Variants in PDE6B observed in about 807,000 individuals in gnomAD.
PDE6B encodes the protein phosphodiesterase 6B.
In PDE6B, 106 loss-of-function variants were observed where a neutral mutation model predicts 109.0. That is an observed-to-expected ratio of 0.97 (90% CI 0.83 to 1.14). The LOEUF (loss-of-function observed/expected upper bound fraction) is 1.14. Ranked by LOEUF, PDE6B falls within the 50% of genes most tolerant of loss-of-function variation. The pLI is 0.00. For synonymous variants in PDE6B, 490 were observed against 471.3 expected, an observed-to-expected ratio of 1.04 and a Z score of -0.51; for missense variants, 1,193 against 1,155.6, an observed-to-expected ratio of 1.03 and a Z score of -0.47.
chr4:640,600 C>A (rs1164572401), intron 3 of PDE6B, among the ~76,000 whole-genome samples: 1 of 151,934 alleles, frequency 6.6e-6, no homozygotes, highest in East Asian at 1.9e-4. Flanking sequence ...TGTGTTGTAT[C>A]TAAAAACTCA....
In PDE6B at chr4:663,314, G is replaced by A. The variant is rs867345385; in HGVS notation, c.1920+127G>A. ...TGAGCACTGGGTGTGTGAGCACTGG[G>A]GGAGGGCGGCAGAGAAGGCGGAGGG... On this transcript the variant is annotated intron_variant, in intron 15 of 21. Transcript: ENST00000496514. The surrounding 1 kb of genome is among the most constrained non-coding windows in gnomAD (Gnocchi z 4.0). 7.1e-6 allele frequency: 5 copies of A among 707,360 alleles called. No homozygotes were observed. The highest frequency in any genetic ancestry group is 2.8e-4 in the Middle Eastern group (1 of 3,596). The allele number at this position is 707,360 out of a possible 1,614,324, so 43.8% of individuals were successfully genotyped here.
At position 626,094 on chromosome 4, in the gene PDE6B, G is replaced by A. The variant is rs1245162728; in HGVS notation, c.468G>A (p.Glu156=). 1.3e-6 allele frequency: 2 copies of A among 1,562,538 alleles called. No homozygotes were observed. Among genetic ancestry groups the A allele is most frequent in the Non-Finnish European group, 1.7e-6 (2 of 1,149,142 alleles). Residue 156 remains glutamate (E), a splice_region_variant and synonymous_variant, in exon 1 of 22, where the codon GAG becomes GAA. Coordinates refer to ENST00000496514, the MANE Select transcript of PDE6B (RefSeq NM_000283.4). The surrounding 1 kb of genome is among the most constrained non-coding windows in gnomAD (Gnocchi z 4.6). ...TGGTGAACGTCGAGGACGTGGCCGA[G>A]GTGGGTCTGTGCGGAGCCTCAGGGA... ...KKMVNVEDVA[E]CPHFSSFADE...
intron 2 of PDE6B, among the ~76,000 whole-genome samples, chr4:635,199 G>A (rs184851731): frequency 0.029 from 3,959 of 136,808 alleles, 28 homozygotes; most frequent in Non-Finnish European, 0.046. Flanking sequence ...CTGCCTGCCC[G>A]CCTGCCCGCG....
chr4:635,394 T>TGCCTCCCTGCCC lies in PDE6B; in HGVS notation c.622-482_622-481insCCCTGCCCGCCT, dbSNP rs1734623637. Among the ~76,000 whole-genome samples, 3 of 121,536 alleles carry TGCCTCCCTGCCC rather than the reference T, an allele frequency of 2.5e-5. 1 individual carries two copies. Among genetic ancestry groups the TGCCTCCCTGCCC allele is most frequent in the African/African-American group, 1.1e-4 (3 of 26,800 alleles). 79.7% of individuals were successfully genotyped at this position (121,536 alleles called of 152,430 possible). A position where few individuals can be genotyped will look rare whatever the true frequency, so the allele number is the denominator to read the frequency against. On this transcript the variant is annotated intron_variant, in intron 2 of 21. Transcript: ENST00000496514. Reference sequence around the variant, plus strand: ...TGTGCCACGCGTCTGCCTCCCTGCCTGCCTGCCCGTGTGTTCTGTGCTGTG... The same window carrying TGCCTCCCTGCCC: ...TGTGCCACGCGTCTGCCTCCCTGCCTGCCTCCCTGCCCGCCTGCCCGTGTGTTCTGTGCTGTG...
intron 3 of PDE6B, among the ~76,000 whole-genome samples, chr4:640,973 G>A (rs944040830): frequency 3.3e-5 from 5 of 152,308 alleles, no homozygotes; most frequent in East Asian, 3.9e-4. Flanking sequence ...GGGAATGTCA[G>A]CGCTCTAGTT....
chr4:632,719 G>A (rs556001585), intron 1 of PDE6B, among the ~76,000 whole-genome samples: 5 of 150,714 alleles, frequency 3.3e-5, no homozygotes, highest in East Asian at 2.0e-4. Context: ...GTGTGGGTCC[G>A]TGTGGCACCA....
Position 634,815 on chromosome 4 carries a change from AG to A in PDE6B, c.608del (p.Ser203ThrfsTer8). 6.2e-7 allele frequency: 1 copy of A among 1,613,914 alleles called. No homozygotes were observed. Among genetic ancestry groups the A allele is most frequent in the Non-Finnish European group, 8.5e-7 (1 of 1,179,826 alleles). On this transcript the variant is annotated frameshift_variant, in exon 2 of 22. Coordinates refer to ENST00000496514, the MANE Select transcript of PDE6B (RefSeq NM_000283.4). LOFTEE classifies it high-confidence loss of function. ...CAAGCTCAACGGCCCATTCTTCACC[AG>A]CGAAGACGAAGATGTGAGTGTGGGG... ...VNKLNGPFFT[S>X]EDEDVFLKYL... is the part of the protein sequence containing the mutation.
In PDE6B at chr4:626,249, C is replaced by G. The variant is rs538274286; in HGVS notation, c.468+155C>G. 3.3e-5 allele frequency among the ~76,000 whole-genome samples: 5 copies of G among 152,356 alleles called. No individual in the cohort carries two copies. In the South Asian group the frequency reaches 1.0e-3, roughly 32 times the overall value. ...CTGAGGAGCAAGTACCTAGAGCCCC[C>G]TCCCGGCACTGTGCCCTGGCCGCCT... On this transcript the variant is annotated intron_variant, in intron 1 of 21. Transcript: ENST00000496514. The surrounding 1 kb of genome is among the most constrained non-coding windows in gnomAD (Gnocchi z 4.6).
rs36093261 is a variant in PDE6B at position 662,834 on chromosome 4, T to TA, written c.1832+238dup. ...GCAAGAGCTCTCCTCTACAAAAACT[T>TA]AAAAAAAAAAAAAAAAAAAAAAGCT... On this transcript the variant is annotated intron_variant, in intron 14 of 21. Transcript: ENST00000496514. The surrounding 1 kb of genome is among the most constrained non-coding windows in gnomAD (Gnocchi z 4.3). 0.067 allele frequency among the ~76,000 whole-genome samples: 6,148 copies of TA among 92,088 alleles called. 181 individuals carry two copies. Among genetic ancestry groups the TA allele is most frequent in the South Asian group, 0.12 (341 of 2,744 alleles). The allele number at this position is 92,088 out of a possible 152,430, so 60.4% of individuals were successfully genotyped here.
intron 1 of PDE6B, among the ~76,000 whole-genome samples, chr4:627,664 C>G (rs1277632156): frequency 3.0e-5 from 4 of 134,988 alleles, no homozygotes; most frequent in African/African-American, 1.1e-4. Context: ...TCCCCCCGTT[C>G]CCTCCTCCCT....
chr4:643,918 CTTTTTT>C (rs57739128), intron 3 of PDE6B, among the ~76,000 whole-genome samples: 1 of 107,750 alleles, frequency 9.3e-6, no homozygotes, highest in Non-Finnish European at 1.9e-5. Context: ...AGTTCAAAAT[CTTTTTT>C]TTTTTTTTTT....
Position 665,466 on chromosome 4 carries a change from A to T in PDE6B, c.2268+137A>T. On this transcript the variant is annotated intron_variant, in intron 19 of 21. Transcript: ENST00000496514. This position sits in a 1 kb window ranked among gnomAD's most constrained non-coding sequence, Gnocchi z 4.0. Reference sequence around the variant, plus strand: ...TGGGGTCCTTATCTCACTTTGTGGGATCATGTGACATGCGTGTGGGTGGCT... The same window carrying T: ...TGGGGTCCTTATCTCACTTTGTGGGTTCATGTGACATGCGTGTGGGTGGCT... 1 of 710,990 alleles carries T rather than the reference A, an allele frequency of 1.4e-6. No individual in the cohort carries two copies. Among genetic ancestry groups the T allele is most frequent in the South Asian group, 1.5e-5 (1 of 66,874 alleles). The allele number at this position is 710,990 out of a possible 1,614,324, so 44.0% of individuals were successfully genotyped here. A position where few individuals can be genotyped will look rare whatever the true frequency, so the allele number is the denominator to read the frequency against.
In PDE6B at chr4:626,314, T is replaced by C. The variant is rs1156667186; in HGVS notation, c.468+220T>C. ...GCTTCTGGCTCAAGCTGACATCGCA[T>C]GGCCACTGAGTTGGTTAGACCTGAG... On this transcript the variant is annotated intron_variant, in intron 1 of 21. Transcript: ENST00000496514. The surrounding 1 kb of genome is among the most constrained non-coding windows in gnomAD (Gnocchi z 4.6). 1.3e-5 allele frequency among the ~76,000 whole-genome samples: 2 copies of C among 152,224 alleles called. No homozygotes were observed. The highest frequency in any genetic ancestry group is 4.8e-5 in the African/African-American group (2 of 41,466).
Position 654,837 on chromosome 4 carries a change from A to G in PDE6B, c.941A>G (p.Tyr314Cys). 2 of 1,566,308 alleles carry G rather than the reference A, an allele frequency of 1.3e-6. No individual in the cohort carries two copies. The highest frequency in any genetic ancestry group is 1.8e-6 in the Non-Finnish European group (2 of 1,136,554). ...RTPDGREIVFYKVIDYVLHGK... is the reference protein window; with the variant it reads ...RTPDGREIVFCKVIDYVLHGK... ...TCTGCTTCTCAGGAAATTGTCTTCTACAAAGTGATCGACTACGTCCTCCAC... is the reference window on the plus strand; with the variant it reads ...TCTGCTTCTCAGGAAATTGTCTTCTGCAAAGTGATCGACTACGTCCTCCAC... Residue 314 changes from tyrosine to cysteine, a missense_variant, in exon 6 of 22, where the codon TAC becomes TGC. By Grantham distance (194) the Tyr-to-Cys change is radical. Coordinates refer to ENST00000496514, the MANE Select transcript of PDE6B (RefSeq NM_000283.4).
rs967500858 is a variant in PDE6B, at chr4:626,826, C to G, written c.468+732C>G. On this transcript the variant is annotated intron_variant, in intron 1 of 21. Coordinates refer to ENST00000496514, the MANE Select transcript of PDE6B (RefSeq NM_000283.4). This position sits in a 1 kb window ranked among gnomAD's most constrained non-coding sequence, Gnocchi z 4.6. Reference sequence around the variant, plus strand: ...AGGCGGTCCTGGCGGGACTGGAGAACAAGAGGGGTGTGAGGTGCCTGCCAG... The same window carrying G: ...AGGCGGTCCTGGCGGGACTGGAGAAGAAGAGGGGTGTGAGGTGCCTGCCAG... Among the ~76,000 whole-genome samples the G allele has an allele frequency of 6.6e-6, 1 of 152,150 alleles. No homozygotes were observed. The highest frequency in any genetic ancestry group is 1.5e-5 in the Non-Finnish European group (1 of 68,024).
At chr4:641,803 T>C (rs544677887) in intron 3 of PDE6B, among the ~76,000 whole-genome samples, 59 of 152,248 alleles carry the variant, frequency 3.9e-4, no homozygotes, top group Middle Eastern at 3.4e-3. Flanking sequence ...TGCATCACCA[T>C]GCCCACCTAA....
At position 626,067 on chromosome 4, in the gene PDE6B, G is replaced by C. The variant is rs374446899; in HGVS notation, c.441G>C (p.Lys147Asn). The stretch of plus-strand genomic sequence containing the variant: ...TGGGCCACGTGGCTCAGACCAAAAA[G>C]ATGGTGAACGTCGAGGACGTGGCCG... The part of the protein sequence containing the change: ...GVVGHVAQTK[K>N]MVNVEDVAEC... Residue 147 changes from lysine to asparagine, a missense_variant, in exon 1 of 22, where the codon AAG becomes AAC. By Grantham distance (94) the Lys-to-Asn change is moderately conservative (BLOSUM62 0). Coordinates refer to ENST00000496514, the MANE Select transcript of PDE6B (RefSeq NM_000283.4). This position sits in a 1 kb window ranked among gnomAD's most constrained non-coding sequence, Gnocchi z 4.6. 29 of 1,594,856 alleles carry C rather than the reference G, an allele frequency of 1.8e-5. No individual in the cohort carries two copies. Among genetic ancestry groups the C allele is most frequent in the Non-Finnish European group, 4.3e-6 (5 of 1,171,254 alleles).
rs377080402 is a variant in PDE6B at position 644,621 on chromosome 4, G to A, written c.711+8652G>A. ...CTCAGCTCACTGCAACCTCCACCTC[G>A]TGGATTCAGGTGATTCTCCCGCCTC... On this transcript the variant is annotated intron_variant, in intron 3 of 21. Transcript: ENST00000496514. 5.3e-5 allele frequency among the ~76,000 whole-genome samples: 8 copies of A among 151,654 alleles called. No individual in the cohort carries two copies. The East Asian group carries it at 1.2e-3, about 22-fold the overall frequency.
At chr4:642,072 A>G (rs1324750343) in intron 3 of PDE6B, among the ~76,000 whole-genome samples, 1 of 152,226 alleles carries the variant, frequency 6.6e-6, no homozygotes, top group African/African-American at 2.4e-5. Context: ...TTATTGCACT[A>G]GCTAGGACTT....
Sources: allele counts gnomAD v4.1 joint callset (sites outside exome capture counted in the v4.1 genomes callset), GRCh38; gene constraint gnomAD v4.1.1; non-coding constraint Gnocchi (gnomAD v3.1); transcripts MANE v1.5; gene names NCBI Gene and HGNC (gene_info 2026-07-23, HGNC 2026-07-21).